Variants in GLG1 observed in about 807,000 individuals in gnomAD.
GLG1 encodes golgi glycoprotein 1.
GLG1 carries 38 observed loss-of-function variants against 160.5 expected under a neutral mutation model. The ratio of observed to expected loss-of-function variants is 0.24; its 90% CI spans 0.18 to 0.31. The LOEUF is 0.31. Ranked by LOEUF, GLG1 falls within the 10% of genes least tolerant of loss-of-function variation. The pLI, the probability that GLG1 is intolerant of heterozygous loss-of-function variation, is 1.00. For missense variants in GLG1, 1,373 were observed against 1,505.2 expected (o/e 0.91, Z 1.45); for synonymous variants, 644 against 543.4 (o/e 1.19, Z -2.57).
At chr16:74,498,778 T>C (rs967754156) in intron 4 of GLG1, among the ~76,000 whole-genome samples, 3 of 143,432 alleles carry the variant, frequency 2.1e-5, no homozygotes, top group Admixed American at 1.5e-4. Flanking sequence ...GGCGAGAGAA[T>C]TGCTTGAATC....
chr16:74,455,418 T>C (rs559689540), intron 25 of GLG1, among the ~76,000 whole-genome samples: 167 of 152,270 alleles, frequency 1.1e-3, no homozygotes, highest in African/African-American at 3.9e-3. Flanking sequence ...GAAGCAATAA[T>C]ACACAGCTCA....
chr16:74,508,332 T>TA lies in GLG1; in HGVS notation c.558+506dup, dbSNP rs915291661. ...TTGATTCAAAAAAAAAAAAAACCGTTAAAAAAAAAAGAAATTTAAAGTACC... is the reference window on the plus strand; with the variant it reads ...TTGATTCAAAAAAAAAAAAAACCGTTAAAAAAAAAAAGAAATTTAAAGTACC... On this transcript the variant is annotated intron_variant, in intron 3 of 25. Coordinates refer to ENST00000422840, the MANE Select transcript of GLG1 (RefSeq NM_001145667.2). Among the ~76,000 whole-genome samples, 143 of 146,718 alleles carry TA rather than the reference T, an allele frequency of 9.7e-4. No individual in the cohort carries two copies. In the East Asian group the frequency reaches 9.9e-3, roughly 10 times the overall value.
Position 74,452,676 on chromosome 16 carries a change from GCA to G in GLG1, c.*489_*490del. The G allele has an allele frequency of 1.0e-6, 1 of 995,014 alleles. No individual in the cohort carries two copies. Among genetic ancestry groups the G allele is most frequent in the South Asian group, 4.5e-5 (1 of 22,176 alleles). The allele number at this position is 995,014 out of a possible 1,614,324, so 61.6% of individuals were successfully genotyped here. On this transcript the variant is annotated 3_prime_UTR_variant, in exon 26 of 26. Transcript: ENST00000422840. ...AGATGAACGAGACACCTCAGTCATG[GCA>G]CACTGGGTGGTGTGCTTCCCCTCCA...
intron 1 of GLG1, among the ~76,000 whole-genome samples, chr16:74,604,125 G>A (rs1320416886): frequency 1.3e-5 from 2 of 152,106 alleles, no homozygotes; most frequent in Non-Finnish European, 2.9e-5. Flanking sequence ...GAAGACTGAG[G>A]CTGCAGTGAG....
chr16:74,604,558 A>C (rs1380031254), intron 1 of GLG1, among the ~76,000 whole-genome samples: 2 of 152,266 alleles, frequency 1.3e-5, no homozygotes, highest in African/African-American at 4.8e-5. Flanking sequence ...ATGCAAAGGG[A>C]CAGAAAAGTA....
chr16:74,571,558 G>A (rs2018827064), intron 1 of GLG1, among the ~76,000 whole-genome samples: 1 of 151,864 alleles, frequency 6.6e-6, no homozygotes, highest in Admixed American at 6.6e-5. Flanking sequence ...GGAGACTGAG[G>A]CAAGAGAATC....
chr16:74,457,702 T>C (rs1321198482), intron 24 of GLG1, among the ~76,000 whole-genome samples, 172 bp downstream of exon 24: 1 of 152,216 alleles, frequency 6.6e-6, no homozygotes, highest in Non-Finnish European at 1.5e-5. Flanking sequence ...AAATTCATGA[T>C]GCCATAAAGG....
At chr16:74,483,169 G>A in intron 9 of GLG1, 45 bp from the exon 10 acceptor site, 1 of 1,094,966 alleles carries the variant, frequency 9.1e-7, no homozygotes, top group South Asian at 1.3e-5. Context: ...GAAGTGTTCA[G>A]AACTCTATGT....
chr16:74,460,931 C>T (rs377132861), intron 22 of GLG1, among the ~76,000 whole-genome samples: 3 of 152,228 alleles, frequency 2.0e-5, no homozygotes, highest in Admixed American at 6.5e-5. Flanking sequence ...AGTGTGCACA[C>T]GCGCGTACCC....
At position 74,477,459 on chromosome 16, in the gene GLG1, G is replaced by A. The variant is rs772994016; in HGVS notation, c.1902C>T (p.Ala634=). ...QRAMDVKLDP[A]LQDKCLIDLG... is the part of the protein sequence containing the mutation. ...GATCAATCAGGCACTTATCCTGGAG[G>A]GCAGGATCCAGCTTGACATCCATGG... The change falls in exon 12 of 26, where the codon GCC becomes GCT. Residue 634 remains alanine (A), a synonymous_variant. Transcript: ENST00000422840. The A allele has an allele frequency of 3.1e-6, 5 of 1,610,430 alleles. No individual in the cohort carries two copies. In the Admixed American group the frequency reaches 6.7e-5, roughly 21 times the overall value.
At chr16:74,567,184 G>A (rs931247220) in intron 1 of GLG1, among the ~76,000 whole-genome samples, 1 of 151,392 alleles carries the variant, frequency 6.6e-6, no homozygotes, top group Non-Finnish European at 1.5e-5. Flanking sequence ...TTGTGTGTGG[G>A]GGGTGTAGGG....
intron 5 of GLG1, 25 bp downstream of exon 5, chr16:74,496,416 A>C: frequency 6.8e-7 from 1 of 1,480,584 alleles, no homozygotes; most frequent in Non-Finnish European, 9.4e-7. Context: ...AAAGGAAGAA[A>C]AGAACAGTTT....
intron 2 of GLG1, among the ~76,000 whole-genome samples, chr16:74,516,544 A>G (rs1290887245): frequency 1.3e-5 from 2 of 152,242 alleles, no homozygotes; most frequent in East Asian, 1.9e-4. Flanking sequence ...TCTCTGGGAC[A>G]CATTCAAAGC....
intron 1 of GLG1, among the ~76,000 whole-genome samples, chr16:74,569,753 C>T (rs2018770637): frequency 1.3e-5 from 2 of 150,408 alleles, no homozygotes; most frequent in Admixed American, 6.7e-5. Flanking sequence ...ATTCCAGCTA[C>T]ATGGGAGGCT....
At chr16:74,511,107 C>A (rs953689513) in intron 2 of GLG1, among the ~76,000 whole-genome samples, 2 of 152,112 alleles carry the variant, frequency 1.3e-5, no homozygotes, top group Admixed American at 6.5e-5. Context: ...TAAGCCATGA[C>A]TGAACTTTAA....
intron 1 of GLG1, among the ~76,000 whole-genome samples, chr16:74,558,564 T>A (rs1246100982): frequency 6.6e-6 from 1 of 152,256 alleles, no homozygotes; most frequent in East Asian, 1.9e-4. Context: ...TTCGCCCATG[T>A]TTCCATGGAT....
intron 18 of GLG1, among the ~76,000 whole-genome samples, chr16:74,467,256 T>C (rs1021147294): frequency 6.6e-6 from 1 of 152,164 alleles, no homozygotes; most frequent in Non-Finnish European, 1.5e-5. Context: ...GGTAGCCGAG[T>C]AGTAACGAGA....
At chr16:74,521,205 G>T (rs182408989) in intron 2 of GLG1, among the ~76,000 whole-genome samples, 54 of 152,292 alleles carry the variant, frequency 3.5e-4, no homozygotes, top group Admixed American at 9.2e-4. Flanking sequence ...AGGGGCAACG[G>T]TCGTAGGAGA....
At chr16:74,510,102 G>A (rs908557979) in intron 2 of GLG1, among the ~76,000 whole-genome samples, 4 of 150,920 alleles carry the variant, frequency 2.7e-5, no homozygotes, top group African/African-American at 9.8e-5. Flanking sequence ...CGCGATCTCG[G>A]CTCACCACAA....
Sources: gnomAD v4.1 joint callset for allele counts (sites outside exome capture counted in the v4.1 genomes callset) on GRCh38, gnomAD v4.1.1 for gene constraint, MANE v1.5 for transcripts, NCBI Gene and HGNC (gene_info 2026-07-23, HGNC 2026-07-21) for gene names.